Variants in AGFG1 observed in about 807,000 individuals in gnomAD.
AGFG1 encodes arf-GAP domain and FG repeat-containing protein 1.
A neutral mutation model predicts 60.6 loss-of-function variants in AGFG1; 10 were observed. The ratio of observed to expected loss-of-function variants is 0.16; its 90% confidence interval spans 0.10 to 0.28. The LOEUF (loss-of-function observed/expected upper bound fraction) is 0.28, where lower values mean the gene tolerates loss of function less well. Among genes scored for constraint, AGFG1 ranks in the 10% least tolerant of loss-of-function variants. The pLI is 1.00. For synonymous variants in AGFG1, 247 were observed against 242.9 expected (o/e 1.02, Z -0.16); for missense variants, 537 against 676.5 (o/e 0.79, Z 2.29).
chr2:227,472,486 G>A lies in AGFG1; in HGVS notation c.65G>A (p.Gly22Asp). The A allele has an allele frequency of 6.3e-7, 1 of 1,579,100 alleles. No individual in the cohort carries two copies. The highest frequency in any genetic ancestry group is 8.6e-7 in the Non-Finnish European group (1 of 1,163,058). The stretch of plus-strand genomic sequence containing the variant: ...CTGAAGATGCTGCGGGACATGACCG[G>A]CCTCCCGCACAACCGAAAGTGCTTC... ...KHLKMLRDMTGLPHNRKCFDC... is the reference protein window; with the variant it reads ...KHLKMLRDMTDLPHNRKCFDC... Residue 22 changes from glycine to aspartate, a missense_variant, in exon 1 of 13, where the codon GGC (glycine) becomes GAC (aspartate). Physicochemically the swap from Gly to Asp is moderately conservative, Grantham distance 94. Coordinates refer to ENST00000310078, the MANE Select transcript of AGFG1 (RefSeq NM_004504.5).
chr2:227,539,447 AAAAC>A (rs1185021508), intron 10 of AGFG1, among the ~76,000 whole-genome samples: 1 of 141,308 alleles, frequency 7.1e-6, no homozygotes, highest in East Asian at 2.1e-4. Flanking sequence ...TGTCTCAAAA[AAAAC>A]AAAAAACACA....
At chr2:227,537,403 A>G (rs1369197496) in intron 10 of AGFG1, among the ~76,000 whole-genome samples, 1 of 152,180 alleles carries the variant, frequency 6.6e-6, no homozygotes, top group East Asian at 1.9e-4. Context: ...TATTTTCCCT[A>G]TGAGATTGCA....
At chr2:227,484,677 GTTT>G (rs34405103) in intron 1 of AGFG1, among the ~76,000 whole-genome samples, 1 of 115,908 alleles carries the variant, frequency 8.6e-6, no homozygotes, top group African/African-American at 3.3e-5. Flanking sequence ...AGATCTCTTA[GTTT>G]TTTTTTTGTT....
intron 10 of AGFG1, among the ~76,000 whole-genome samples, chr2:227,551,335 T>C (rs1692813683): frequency 6.6e-6 from 1 of 152,162 alleles, no homozygotes; most frequent in Non-Finnish European, 1.5e-5. Flanking sequence ...TGTGTGTGTG[T>C]GTATGGAATT....
chr2:227,488,996 G>A (rs1690718387), intron 1 of AGFG1, among the ~76,000 whole-genome samples: 1 of 151,950 alleles, frequency 6.6e-6, no homozygotes, highest in Non-Finnish European at 1.5e-5. Flanking sequence ...GTAGTTTTTA[G>A]TAGAGACAGG....
intron 2 of AGFG1, among the ~76,000 whole-genome samples, chr2:227,507,217 T>A (rs1259771100): frequency 6.6e-6 from 1 of 152,188 alleles, no homozygotes; most frequent in Admixed American, 6.5e-5. Context: ...GCTGTTTTTT[T>A]ACTCCTGTTT....
chr2:227,484,677 GTTTTTTTTTTGTTTTTTTTTTTTTTT>G (rs150920364), intron 1 of AGFG1, among the ~76,000 whole-genome samples: 72,279 of 115,524 alleles, frequency 0.63, 21,761 homozygotes, highest in South Asian at 0.74. Context: ...AGATCTCTTA[GTTTTTTTTTTGTTTTTTTTTTTTTTT>G]TTTTTTTTTT....
chr2:227,513,715 T>C (rs1169833544), intron 2 of AGFG1, among the ~76,000 whole-genome samples: 1 of 152,260 alleles, frequency 6.6e-6, no homozygotes, highest in East Asian at 1.9e-4. Flanking sequence ...AACTGACTGA[T>C]AAAATATGCT....
At chr2:227,531,803 A>C (rs1267762645) in intron 6 of AGFG1, among the ~76,000 whole-genome samples, 1 of 152,130 alleles carries the variant, frequency 6.6e-6, no homozygotes, top group East Asian at 1.9e-4. Flanking sequence ...TAATAAAGGA[A>C]GCTGGTTGCT....
At position 227,548,993 on chromosome 2, in the gene AGFG1, C is replaced by T. The variant is rs546011985; in HGVS notation, c.1379-2966C>T. Reference sequence around the variant, plus strand: ...AGGGCCACATTAATTTTTCACAGGCCCTTCTCCCTCAGTTAACCTTTTTTT... The same window carrying T: ...AGGGCCACATTAATTTTTCACAGGCTCTTCTCCCTCAGTTAACCTTTTTTT... On this transcript the variant is annotated intron_variant, in intron 10 of 12. Coordinates refer to ENST00000310078, the MANE Select transcript of AGFG1 (RefSeq NM_004504.5). Among the ~76,000 whole-genome samples, 6 of 140,646 alleles carry T rather than the reference C, an allele frequency of 4.3e-5. No homozygotes were observed. In the East Asian group the frequency reaches 1.3e-3, roughly 30 times the overall value. The allele number at this position is 140,646 out of a possible 152,430, so 92.3% of individuals were successfully genotyped here.
chr2:227,508,063 T>C (rs1165562910), intron 2 of AGFG1, among the ~76,000 whole-genome samples: 2 of 152,058 alleles, frequency 1.3e-5, no homozygotes, highest in South Asian at 2.1e-4. Context: ...GAAAGAAAAC[T>C]GTTTCTTCCC....
In AGFG1 at chr2:227,559,594, C is replaced by T. The variant is rs937050624; in HGVS notation, c.*5099C>T. The stretch of plus-strand genomic sequence containing the variant: ...CTTTTATAAAAAAAGATAAGTGATC[C>T]TAGATAAAATATTTTAGATGGTGAT... On this transcript the variant is annotated 3_prime_UTR_variant, in exon 13 of 13. Transcript: ENST00000310078. 7 of 151,964 alleles carry T rather than the reference C, an allele frequency of 4.6e-5. No individual in the cohort carries two copies. The highest frequency in any genetic ancestry group is 1.0e-4 in the Non-Finnish European group (7 of 67,952). The allele number at this position is 151,964 out of a possible 1,614,324, so 9.4% of individuals were successfully genotyped here. A position where few individuals can be genotyped will look rare whatever the true frequency, so the allele number is the denominator to read the frequency against.
At chr2:227,505,761 C>T (rs905742760) in intron 2 of AGFG1, among the ~76,000 whole-genome samples, 4 of 151,800 alleles carry the variant, frequency 2.6e-5, no homozygotes, top group African/African-American at 9.7e-5. Flanking sequence ...GTTTTTGAGA[C>T]GGAGTCTTAT....
chr2:227,550,763 GAC>G (rs1272753702), intron 10 of AGFG1, among the ~76,000 whole-genome samples: 1 of 152,126 alleles, frequency 6.6e-6, no homozygotes, highest in Non-Finnish European at 1.5e-5. Flanking sequence ...AAAAATAAAA[GAC>G]ATTCCGTGTA....
At chr2:227,487,373 G>A (rs968921656) in intron 1 of AGFG1, among the ~76,000 whole-genome samples, 1 of 150,808 alleles carries the variant, frequency 6.6e-6, no homozygotes, top group African/African-American at 2.4e-5. Flanking sequence ...ACATTTTGGA[G>A]TATTTGGTTT....
chr2:227,521,206 C>T (rs953997836), intron 3 of AGFG1, among the ~76,000 whole-genome samples: 1 of 152,132 alleles, frequency 6.6e-6, no homozygotes, highest in East Asian at 1.9e-4. Context: ...GCTGGGATTA[C>T]AGGCACCCAC....
intron 1 of AGFG1, among the ~76,000 whole-genome samples, chr2:227,485,785 G>A (rs890811436): frequency 2.0e-5 from 3 of 151,872 alleles, no homozygotes; most frequent in Non-Finnish European, 2.9e-5. Flanking sequence ...GCCTCATTCT[G>A]ATAATTACAT....
rs181726551 is a variant in AGFG1 at position 227,552,557 on chromosome 2, T to G, written c.1537+440T>G. Among the ~76,000 whole-genome samples the G allele has an allele frequency of 3.2e-4, 48 of 152,314 alleles. 1 individual carries two copies. The East Asian group carries it at 9.2e-3, about 29-fold the overall frequency. ...TATACTGTAGTTAGAGTTTGTTATT[T>G]GATTTTAGAAAGAGACAAGAAGATT... On this transcript the variant is annotated intron_variant, in intron 11 of 12. Coordinates refer to ENST00000310078, the MANE Select transcript of AGFG1 (RefSeq NM_004504.5).
chr2:227,554,334 C>T (rs1692906411), intron 12 of AGFG1, 102 bp from the exon 13 acceptor site: 3 of 969,962 alleles, frequency 3.1e-6, no homozygotes, highest in Non-Finnish European at 4.6e-6. Flanking sequence ...AATTCTTAAC[C>T]AAAAAGTCTA....
Sources: allele counts gnomAD v4.1 joint callset (sites outside exome capture counted in the v4.1 genomes callset), GRCh38; gene constraint gnomAD v4.1.1; transcripts MANE v1.5; gene names NCBI Gene and HGNC (gene_info 2026-07-23, HGNC 2026-07-21).